The following EML6 variants were observed in gnomAD, a reference collection of about 807,000 sequenced individuals.
EML6 encodes echinoderm microtubule-associated protein-like 6.
Under a neutral mutation model 240.1 loss-of-function variants are expected in EML6, and 154 were observed. That is an observed-to-expected ratio of 0.64 (90% CI 0.56 to 0.73). EML6 has a LOEUF of 0.73. Ranked by LOEUF, EML6 falls within the 30% of genes least tolerant of loss-of-function variation. EML6 has a pLI of 0.00. For missense variants in EML6, 2,964 were observed against 2,474.6 expected, an observed-to-expected ratio of 1.20 and a Z score of -4.20; for synonymous variants, 1,148 against 899.0, an observed-to-expected ratio of 1.28 and a Z score of -4.95.
intron 26 of EML6, among the ~76,000 whole-genome samples, chr2:54,924,908 C>T (rs1248746896): frequency 6.6e-6 from 1 of 152,026 alleles, no homozygotes; most frequent in African/African-American, 2.4e-5. Context: ...CTTTCCTTCC[C>T]AAATACATGA....
rs373595113 is a variant in EML6, at chr2:54,851,357, G to T, written c.1444+1139G>T. Among the ~76,000 whole-genome samples, 4 of 152,278 alleles carry T rather than the reference G, an allele frequency of 2.6e-5. 1 individual carries two copies. In the South Asian group the frequency reaches 8.3e-4, roughly 32 times the overall value. On this transcript the variant is annotated intron_variant, in intron 10 of 41. Transcript: ENST00000356458. ...GAACCCAGGAGGTGGAGGTTGCAGC[G>T]AGCTGAGATCGCACCACTGCACTCC...
intron 11 of EML6, among the ~76,000 whole-genome samples, chr2:54,855,805 C>A (rs1670344426): frequency 1.3e-5 from 2 of 152,012 alleles, no homozygotes; most frequent in South Asian, 4.2e-4. Flanking sequence ...CCTTTTTGTG[C>A]CAAAACTACT....
At chr2:54,843,617 G>T (rs1669579746) in intron 7 of EML6, among the ~76,000 whole-genome samples, 1 of 152,012 alleles carries the variant, frequency 6.6e-6, no homozygotes. Context: ...GTCCGAGGCG[G>T]GCGGATCACG....
Position 54,869,336 on chromosome 2 carries a change from A to G in EML6, c.2207A>G (p.His736Arg). 3 of 1,551,566 alleles carry G rather than the reference A, an allele frequency of 1.9e-6. No homozygotes were observed. Among genetic ancestry groups the G allele is most frequent in the Non-Finnish European group, 1.7e-6 (2 of 1,146,914 alleles). ...HDDDILSLTIHPVKDYVATGQ... is the reference protein window; with the variant it reads ...HDDDILSLTIRPVKDYVATGQ... ...GACGACATTCTCAGCCTGACCATCC[A>G]TCCAGTGAAGGACTATGTGGCTACT... The change falls in exon 15 of 42, where the codon CAT becomes CGT. Residue 736 changes from histidine (H) to arginine (R), a missense_variant. Physicochemically the swap from His to Arg is conservative, Grantham distance 29 (BLOSUM62 0). Transcript: ENST00000356458.
chr2:54,893,184 G>A (rs1489968862), intron 19 of EML6, among the ~76,000 whole-genome samples: 1 of 152,094 alleles, frequency 6.6e-6, no homozygotes, highest in Non-Finnish European at 1.5e-5. Flanking sequence ...TAATTGCCCT[G>A]GTCTGTCTAC....
chr2:54,841,214 C>T (rs1276926186), intron 7 of EML6, among the ~76,000 whole-genome samples: 1 of 152,230 alleles, frequency 6.6e-6, no homozygotes, highest in African/African-American at 2.4e-5. Flanking sequence ...TACATCTGTC[C>T]TTCCCATCCT....
intron 32 of EML6, among the ~76,000 whole-genome samples, chr2:54,954,679 G>A (rs1676149760): frequency 6.6e-6 from 1 of 152,060 alleles, no homozygotes; most frequent in South Asian, 2.1e-4. Context: ...ACTGTAACAG[G>A]ATTTCTTTCT....
intron 7 of EML6, among the ~76,000 whole-genome samples, chr2:54,842,450 A>G (rs1669512082): frequency 6.6e-6 from 1 of 152,156 alleles, no homozygotes; most frequent in South Asian, 2.1e-4. Context: ...GGTCACCATA[A>G]TTACAGTCTA....
At position 54,788,123 on chromosome 2, in the gene EML6, G is replaced by C. The variant is rs75186175; in HGVS notation, c.198-25109G>C. Among the ~76,000 whole-genome samples the C allele has an allele frequency of 2.5e-4, 38 of 152,278 alleles. No homozygotes were observed. The East Asian group carries it at 6.9e-3, about 28-fold the overall frequency. On this transcript the variant is annotated intron_variant, in intron 2 of 41. Transcript: ENST00000356458. ...AACCACTGCCCTGTGGAAAGCCTAC[G>C]GCAGAACACCCGTGGACCTTAATAA...
At chr2:54,770,038 A>G (rs545086616) in intron 2 of EML6, among the ~76,000 whole-genome samples, 1 of 152,238 alleles carries the variant, frequency 6.6e-6, no homozygotes, top group South Asian at 2.1e-4. Flanking sequence ...CATTCTGTGG[A>G]CTGATATGAA....
intron 2 of EML6, among the ~76,000 whole-genome samples, chr2:54,747,980 T>C (rs1434171918): frequency 6.6e-6 from 1 of 152,212 alleles, no homozygotes; most frequent in African/African-American, 2.4e-5. Flanking sequence ...TAAATTTTGT[T>C]ACAATTTATA....
intron 2 of EML6, chr2:54,746,954 G>A (rs1464306942): frequency 6.6e-6 from 1 of 152,204 alleles, no homozygotes; most frequent in Non-Finnish European, 1.5e-5. Flanking sequence ...TTTACTGAAT[G>A]TCAATTACTG....
intron 32 of EML6, among the ~76,000 whole-genome samples, chr2:54,955,842 G>A (rs557956461): frequency 7.9e-5 from 12 of 152,312 alleles, no homozygotes; most frequent in African/African-American, 2.6e-4. Flanking sequence ...CACCTCTTCC[G>A]GGTTGACCAC....
At chr2:54,810,446 A>G (rs868636088) in intron 2 of EML6, among the ~76,000 whole-genome samples, 1 of 152,342 alleles carries the variant, frequency 6.6e-6, no homozygotes, top group South Asian at 2.1e-4. Flanking sequence ...ATCAGGAATT[A>G]TGGAATTAGA....
chr2:54,899,075 C>T (rs1672921775), intron 21 of EML6, among the ~76,000 whole-genome samples: 1 of 152,188 alleles, frequency 6.6e-6, no homozygotes, highest in African/African-American at 2.4e-5. Flanking sequence ...CTGGGCTACA[C>T]CGAGGACGCT....
intron 2 of EML6, among the ~76,000 whole-genome samples, chr2:54,801,464 G>A (rs188910339): frequency 2.0e-4 from 30 of 152,290 alleles, no homozygotes; most frequent in Admixed American, 7.8e-4. Flanking sequence ...AGGGATACTC[G>A]TGTCAAAGTA....
intron 28 of EML6, among the ~76,000 whole-genome samples, chr2:54,932,137 G>A (rs1674896184): frequency 6.6e-6 from 1 of 152,206 alleles, no homozygotes; most frequent in Non-Finnish European, 1.5e-5. Context: ...AAGCTGAGAA[G>A]AAATTTACAG....
chr2:54,819,552 T>A (rs1469816170), intron 4 of EML6, among the ~76,000 whole-genome samples: 1 of 151,994 alleles, frequency 6.6e-6, no homozygotes, highest in Non-Finnish European at 1.5e-5. Flanking sequence ...CCAAGGCAGG[T>A]GGATCACGAG....
intron 2 of EML6, among the ~76,000 whole-genome samples, chr2:54,737,581 C>T (rs1012882555): frequency 6.6e-6 from 1 of 152,162 alleles, no homozygotes; most frequent in Non-Finnish European, 1.5e-5. Flanking sequence ...TTCAAGGCAT[C>T]TTTTCTCTCC....
Sources: gnomAD v4.1 joint callset for allele counts (sites outside exome capture counted in the v4.1 genomes callset) on GRCh38, gnomAD v4.1.1 for gene constraint, MANE v1.5 for transcripts, NCBI Gene and HGNC (gene_info 2026-07-23, HGNC 2026-07-21) for gene names.